The following TBL1X variants were observed in gnomAD, a reference collection of about 807,000 sequenced individuals.
The protein encoded by TBL1X is F-box-like/WD repeat-containing protein TBL1X.
TBL1X carries 10 observed loss-of-function variants against 50.7 expected under a neutral mutation model. That is an observed-to-expected ratio of 0.20 (90% CI 0.12 to 0.33). The LOEUF is 0.33. Among genes scored for constraint, TBL1X ranks in the 10% least tolerant of loss-of-function variants. The pLI is 1.00. For synonymous variants in TBL1X, 190 were observed against 214.7 expected (o/e 0.88, Z 1.01); for missense variants, 340 against 504.4 (o/e 0.67, Z 3.12).
At chrX:9,633,897 C>T (rs1017225082) in intron 2 of TBL1X, among the ~76,000 whole-genome samples, 1 of 111,545 alleles carries the variant, frequency 9.0e-6, no homozygotes, top group African/African-American at 3.3e-5. Flanking sequence ...ACTTAGACAC[C>T]TGGACAAGTC....
intron 5 of TBL1X, among the ~76,000 whole-genome samples, chrX:9,658,129 C>T (rs1412939414): frequency 8.9e-6 from 1 of 111,757 alleles, no homozygotes; most frequent in Non-Finnish European, 1.9e-5. Context: ...TCCTCATTCA[C>T]CTTCTGCCAT....
chrX:9,587,231 G>C (rs2082474776), intron 2 of TBL1X, among the ~76,000 whole-genome samples: 1 of 112,071 alleles, frequency 8.9e-6, no homozygotes, highest in Admixed American at 9.4e-5. Context: ...GGGAGTGAGA[G>C]CTGTCTGCTG....
Position 9,636,771 on chromosome X carries a change from C to T in TBL1X, c.-130-3502C>T, listed in dbSNP as rs1366489954. The T allele has an allele frequency of 2.7e-5, 3 of 112,123 alleles. No individual in the cohort carries two copies. In the East Asian group the frequency reaches 8.4e-4, roughly 31 times the overall value. 9.2% of individuals were successfully genotyped at this position (112,123 alleles called of 1,213,427 possible). A position where few individuals can be genotyped will look rare whatever the true frequency, so the allele number is the denominator to read the frequency against. On this transcript the variant is annotated intron_variant, in intron 2 of 17. Transcript: ENST00000645353. ...GCTTTAGATTATTATTTCTTGTATT[C>T]GATGTAAAAATCCCTTACAGTGGTT... is the stretch of plus-strand genomic sequence containing the variant.
intron 1 of TBL1X, among the ~76,000 whole-genome samples, chrX:9,466,083 G>A (rs1179868138): frequency 1.8e-5 from 2 of 112,402 alleles, no homozygotes; most frequent in Non-Finnish European, 3.8e-5. Flanking sequence ...CTGAGCGCAC[G>A]GCTGGGCTGG....
At chrX:9,573,592 C>T (rs1448690272) in intron 2 of TBL1X, among the ~76,000 whole-genome samples, 1 of 112,705 alleles carries the variant, frequency 8.9e-6, no homozygotes, top group African/African-American at 3.2e-5. Flanking sequence ...AAATTCTGGA[C>T]GGTGGCTAGC....
chrX:9,694,563 C>T (rs1351757844), intron 11 of TBL1X, among the ~76,000 whole-genome samples: 2 of 112,012 alleles, frequency 1.8e-5, no homozygotes, highest in African/African-American at 6.5e-5. Flanking sequence ...CGCCTCTGCA[C>T]TCCAGCCTGG....
intron 2 of TBL1X, among the ~76,000 whole-genome samples, chrX:9,626,173 A>G (rs186646037): frequency 9.0e-6 from 1 of 111,434 alleles, no homozygotes; most frequent in East Asian, 2.8e-4. Context: ...TTTGTACCAC[A>G]ATATCCTTGG....
At chrX:9,632,540 C>T (rs770128103) in intron 2 of TBL1X, among the ~76,000 whole-genome samples, 4 of 111,882 alleles carry the variant, frequency 3.6e-5, no homozygotes, top group African/African-American at 1.3e-4. Context: ...ACCTCGGCCT[C>T]CCAAAGTGCT....
At chrX:9,629,341 G>A (rs1322805844) in intron 2 of TBL1X, among the ~76,000 whole-genome samples, 2 of 112,265 alleles carry the variant, frequency 1.8e-5, no homozygotes, top group Non-Finnish European at 1.9e-5. Flanking sequence ...GACTACGATG[G>A]CTGCAAAGTC....
At chrX:9,667,747 G>A (rs1348169277) in intron 5 of TBL1X, among the ~76,000 whole-genome samples, 1 of 112,048 alleles carries the variant, frequency 8.9e-6, no homozygotes, top group African/African-American at 3.2e-5. Flanking sequence ...GCTTCATGCT[G>A]TCTTCATTGG....
chrX:9,700,949 C>G (rs2146647863), intron 12 of TBL1X, among the ~76,000 whole-genome samples: 1 of 111,216 alleles, frequency 9.0e-6, no homozygotes, highest in South Asian at 3.9e-4. Flanking sequence ...TCTCATAATG[C>G]TAAAATGCTA....
In TBL1X at chrX:9,491,336, A is replaced by ATT. The variant is rs1256522168; in HGVS notation, c.-200-10443_-200-10442insTT. ...TATATATATATATATATATATATATATATTTTTTTTTTTTTTTTCTTTGAG... is the reference window on the plus strand; with the variant it reads ...TATATATATATATATATATATATATATTTATTTTTTTTTTTTTTTTCTTTGAG... On this transcript the variant is annotated intron_variant, in intron 1 of 17. Coordinates refer to ENST00000645353, the MANE Select transcript of TBL1X (RefSeq NM_005647.4). 9.7e-3 allele frequency among the ~76,000 whole-genome samples: 246 copies of ATT among 25,251 alleles called. 1 individual carries two copies. Among genetic ancestry groups the ATT allele is most frequent in the Non-Finnish European group, 0.012 (172 of 13,781 alleles). 21.9% of individuals were successfully genotyped at this position (25,251 alleles called of 115,157 possible).
intron 2 of TBL1X, among the ~76,000 whole-genome samples, chrX:9,568,200 G>C (rs759376875): frequency 8.9e-6 from 1 of 111,757 alleles, no homozygotes; most frequent in South Asian, 3.8e-4. Context: ...TCTTTTCGTG[G>C]CATGTTCTGT....
intron 12 of TBL1X, among the ~76,000 whole-genome samples, chrX:9,700,338 C>CT (rs1479400954): frequency 8.9e-6 from 1 of 112,104 alleles, no homozygotes; most frequent in African/African-American, 3.2e-5. Context: ...TAAGGTTCCT[C>CT]TAACACTTGT....
chrX:9,535,216 C>T (rs1474532092), intron 2 of TBL1X, among the ~76,000 whole-genome samples: 1 of 111,433 alleles, frequency 9.0e-6, no homozygotes, highest in Admixed American at 9.6e-5. Flanking sequence ...GTCAAGAAGG[C>T]TTTGCCTGCT....
At chrX:9,526,900 C>T (rs1164869425) in intron 2 of TBL1X, among the ~76,000 whole-genome samples, 2 of 111,497 alleles carry the variant, frequency 1.8e-5, no homozygotes, top group African/African-American at 6.5e-5. Context: ...GGAAAGCAGC[C>T]ACAGACACAC....
chrX:9,683,306 C>T (rs934155959), intron 5 of TBL1X, among the ~76,000 whole-genome samples: 6 of 112,180 alleles, frequency 5.3e-5, no homozygotes, highest in Non-Finnish European at 1.1e-4. Context: ...CCAACAGCTT[C>T]ATTCAAGAGC....
In TBL1X at chrX:9,697,343, C is replaced by G. The variant is rs1214398056; in HGVS notation, c.1054-26C>G. The G allele has an allele frequency of 4.1e-6, 5 of 1,205,076 alleles. No individual in the cohort carries two copies. In the East Asian group the frequency reaches 8.9e-5, roughly 21 times the overall value. ...AAAACTTTGCCAGAATAGTTACTAA[C>G]TTTTTCCTTTGTTTGCGGAACACAG... On this transcript the variant is annotated intron_variant, in intron 11 of 17. Coordinates refer to ENST00000645353, the MANE Select transcript of TBL1X (RefSeq NM_005647.4).
At chrX:9,569,270 GTCTA>G (rs1448216123) in intron 2 of TBL1X, among the ~76,000 whole-genome samples, 7 of 105,687 alleles carry the variant, frequency 6.6e-5, no homozygotes, top group African/African-American at 1.7e-4. Flanking sequence ...CTGTGTGTGT[GTCTA>G]TCTGTGCAGT....
Sources: gnomAD v4.1 joint callset for allele counts (sites outside exome capture counted in the v4.1 genomes callset) on GRCh38, gnomAD v4.1.1 for gene constraint, MANE v1.5 for transcripts, NCBI Gene and HGNC (gene_info 2026-07-23, HGNC 2026-07-21) for gene names.